TENM2: variants seen among roughly 807,000 people sequenced by gnomAD.
The protein encoded by TENM2 is teneurin-2.
A neutral mutation model predicts 245.2 loss-of-function variants in TENM2; 52 were observed. The ratio of observed to expected loss-of-function variants is 0.21; its 90% CI spans 0.17 to 0.27. TENM2 has a LOEUF of 0.27. Ranked by LOEUF, TENM2 falls within the 10% of genes least tolerant of loss-of-function variation. TENM2 has a pLI of 1.00. For synonymous variants in TENM2, 1,363 were observed against 1,438.9 expected (o/e 0.95, Z 1.19); for missense variants, 3,046 against 3,666.8 (o/e 0.83, Z 4.37).
At chr5:167,020,358 C>T in the TENM2 span, among the ~76,000 whole-genome samples, 1 of 152,124 alleles carries the variant, frequency 6.6e-6, no homozygotes, top group African/African-American at 2.4e-5. Flanking sequence ...AATGCTTTTT[C>T]CTCCTCTCTA....
rs115106548 is a variant in TENM2 at position 167,977,546 on chromosome 5, T to G, written c.948-15398T>G. ...AAAGCTCTTTCCTGAAATGAGAGCC[T>G]GCTGACTTGGGGATGTTAAGACATT... is the stretch of plus-strand genomic sequence containing the variant. On this transcript the variant is annotated intron_variant, in intron 4 of 28. Coordinates refer to ENST00000518659, the Ensembl canonical transcript of TENM2. Among the ~76,000 whole-genome samples the G allele has an allele frequency of 3.3e-3, 496 of 152,318 alleles. 1 individual carries two copies. Among genetic ancestry groups the G allele is most frequent in the African/African-American group, 0.011 (468 of 41,578 alleles).
intron 6 of TENM2, among the ~76,000 whole-genome samples, chr5:168,060,831 AG>A (rs1430473759): frequency 1.3e-5 from 2 of 152,204 alleles, no homozygotes; most frequent in African/African-American, 4.8e-5. Context: ...ACTGGGACCA[AG>A]AGACAGTGTC....
intron 2 of TENM2, among the ~76,000 whole-genome samples, chr5:167,833,416 C>T (rs1196863316): frequency 6.6e-6 from 1 of 152,162 alleles, no homozygotes; most frequent in Non-Finnish European, 1.5e-5. Context: ...TATCCTCAAT[C>T]TTCCAGAGCA....
At chr5:167,319,117 T>G (rs535329962) in intron 1 of TENM2, among the ~76,000 whole-genome samples, 52 of 152,300 alleles carry the variant, frequency 3.4e-4, no homozygotes, top group African/African-American at 1.2e-3. Context: ...GACCAATCAG[T>G]GAAAGGAGTT....
intron 12 of TENM2, among the ~76,000 whole-genome samples, chr5:168,128,387 C>T (rs1796005701): frequency 6.6e-6 from 1 of 152,218 alleles, no homozygotes; most frequent in Non-Finnish European, 1.5e-5. Flanking sequence ...TATTGCATGC[C>T]TGGTGTTATT....
At chr5:168,145,121 T>G (rs1320447808) in intron 12 of TENM2, among the ~76,000 whole-genome samples, 16 of 147,018 alleles carry the variant, frequency 1.1e-4, no homozygotes, top group East Asian at 6.0e-4. Flanking sequence ...TTTCTCCCAT[T>G]TTGTAGGTTG....
the TENM2 span, among the ~76,000 whole-genome samples, chr5:167,247,019 C>A: frequency 6.6e-6 from 1 of 151,946 alleles, no homozygotes; most frequent in Non-Finnish European, 1.5e-5. Flanking sequence ...TTGAATAAAG[C>A]ATAATTTCAG....
chr5:167,615,159 A>T (rs1021594770), intron 2 of TENM2, among the ~76,000 whole-genome samples: 1 of 152,126 alleles, frequency 6.6e-6, no homozygotes, highest in Non-Finnish European at 1.5e-5. Flanking sequence ...CCTAATAAGG[A>T]TTTTTATTAT....
At chr5:168,144,423 A>G (rs2152409047) in intron 12 of TENM2, among the ~76,000 whole-genome samples, 1 of 151,810 alleles carries the variant, frequency 6.6e-6, no homozygotes, top group African/African-American at 2.4e-5. Flanking sequence ...AAGTGAGAAT[A>G]TGTGGTGTTT....
chr5:167,155,370 T>C, the TENM2 span, among the ~76,000 whole-genome samples: 2 of 152,184 alleles, frequency 1.3e-5, no homozygotes, highest in Non-Finnish European at 2.9e-5. Context: ...GAGAAACCTA[T>C]ATTAAACCTA....
chr5:167,450,100 T>TA (rs1765484783), intron 2 of TENM2, among the ~76,000 whole-genome samples: 2 of 152,156 alleles, frequency 1.3e-5, no homozygotes, highest in Admixed American at 6.5e-5. Flanking sequence ...TTAAATATCT[T>TA]TATATTCTTT....
intron 2 of TENM2, among the ~76,000 whole-genome samples, chr5:167,859,475 G>A (rs1168470102): frequency 1.1e-3 from 131 of 116,222 alleles, no homozygotes; most frequent in African/African-American, 4.5e-3. Flanking sequence ...GAGCCCCTCA[G>A]CCTGGCCAGC....
intron 2 of TENM2, among the ~76,000 whole-genome samples, chr5:167,635,605 C>T (rs1005928039): frequency 7.0e-6 from 1 of 143,390 alleles, no homozygotes; most frequent in African/African-American, 2.7e-5. Flanking sequence ...TCCCTAAATA[C>T]AAGGAATCTG....
the TENM2 span, among the ~76,000 whole-genome samples, chr5:166,998,177 G>A: frequency 1.9e-4 from 29 of 152,124 alleles, 1 homozygote; most frequent in Admixed American, 1.1e-3. Flanking sequence ...AATACAAGTG[G>A]AATGCTGATA....
At chr5:167,970,396 A>G (rs981059356) in intron 4 of TENM2, among the ~76,000 whole-genome samples, 31 of 152,148 alleles carry the variant, frequency 2.0e-4, no homozygotes, top group African/African-American at 7.5e-4. Flanking sequence ...TAATTAAAAC[A>G]TGCTCATTTA....
At chr5:168,190,922 A>C in intron 14 of TENM2, 1 of 166,246 alleles carries the variant, frequency 6.0e-6, no homozygotes, top group South Asian at 1.7e-4. Flanking sequence ...AGTTCATTCA[A>C]TAGAGTGTTT....
the TENM2 span, among the ~76,000 whole-genome samples, chr5:167,132,981 G>A: frequency 6.6e-6 from 1 of 152,242 alleles, no homozygotes; most frequent in African/African-American, 2.4e-5. Flanking sequence ...TAATGTACCA[G>A]CATTAACTTG....
At chr5:168,259,551 G>A (rs1328843342) in intron 27 of TENM2, among the ~76,000 whole-genome samples, 1 of 152,268 alleles carries the variant, frequency 6.6e-6, no homozygotes, top group East Asian at 1.9e-4. Context: ...TTGCGCCACC[G>A]CACTCCAGCC....
At chr5:167,272,750 C>A in the TENM2 span, among the ~76,000 whole-genome samples, 1 of 152,086 alleles carries the variant, frequency 6.6e-6, no homozygotes. Context: ...TTTCTTGATA[C>A]CATACATCCT....
Sources: allele counts gnomAD v4.1 joint callset (sites outside exome capture counted in the v4.1 genomes callset), GRCh38; gene constraint gnomAD v4.1.1; transcripts MANE v1.5; gene names NCBI Gene and HGNC (gene_info 2026-07-23, HGNC 2026-07-21).